Variants in TMEM74 observed in about 807,000 individuals in gnomAD.
The protein encoded by TMEM74 is transmembrane protein 74.
TMEM74 carries 13 observed loss-of-function variants against 18.1 expected under a neutral mutation model. The observed-to-expected ratio is 0.72, with a 90% CI of 0.47 to 1.14. The LOEUF (loss-of-function observed/expected upper bound fraction) is 1.14. TMEM74 is among the 50% of genes most tolerant of loss of function. TMEM74 has a pLI of 0.00. For missense variants in TMEM74, 372 were observed against 375.9 expected (o/e 0.99, Z 0.09); for synonymous variants, 159 against 146.6 (o/e 1.08, Z -0.61).
At chr8:108,750,718 T>C (rs908776506) in intron 1 of TMEM74, among the ~76,000 whole-genome samples, 1 of 152,118 alleles carries the variant, frequency 6.6e-6, no homozygotes, top group Admixed American at 6.5e-5. Flanking sequence ...TGCGTACAAC[T>C]GCCTGAACAC....
intron 2 of TMEM74, among the ~76,000 whole-genome samples, chr8:108,620,499 A>C (rs1222817585): frequency 6.6e-6 from 1 of 152,142 alleles, no homozygotes; most frequent in Non-Finnish European, 1.5e-5. Flanking sequence ...GCCTTTAACA[A>C]TTTTAGAAGG....
chr8:108,697,967 C>T (rs1813297002), intron 1 of TMEM74, among the ~76,000 whole-genome samples: 1 of 152,078 alleles, frequency 6.6e-6, no homozygotes, highest in African/African-American at 2.4e-5. Context: ...TACTGATCAC[C>T]CTTTACCCTG....
rs1419566522 is a variant in TMEM74, at chr8:108,756,646, G to GAA, written n.119+30828_119+30829dup. Among the ~76,000 whole-genome samples the GAA allele has an allele frequency of 1.1e-3, 58 of 53,048 alleles. 2 individuals carry two copies. Among genetic ancestry groups the GAA allele is most frequent in the Non-Finnish European group, 1.8e-4 (5 of 28,460 alleles). The allele number at this position is 53,048 out of a possible 152,430, so 34.8% of individuals were successfully genotyped here. ...AGGAAGGAAGGAAGGAAGGAAGAAAGAAAGAGAAAGAAAGAAAGAAAGAAA... is the reference window on the plus strand; with the variant it reads ...AGGAAGGAAGGAAGGAAGGAAGAAAGAAAAAGAGAAAGAAAGAAAGAAAGAAA... On this transcript the variant is annotated intron_variant and non_coding_transcript_variant, in intron 1 of 3. Coordinates refer to the TMEM74 transcript ENST00000518838.
chr8:108,642,472 G>A (rs1812675766), intron 2 of TMEM74, among the ~76,000 whole-genome samples: 1 of 151,664 alleles, frequency 6.6e-6, no homozygotes, highest in South Asian at 2.1e-4. Context: ...AATGGTCCTA[G>A]AAAACAATCG....
chr8:108,720,798 T>C (rs1378314902), intron 1 of TMEM74, among the ~76,000 whole-genome samples: 1 of 152,130 alleles, frequency 6.6e-6, no homozygotes, highest in African/African-American at 2.4e-5. Context: ...AGACGGAGTC[T>C]TGCTCTGTCG....
intron 1 of TMEM74, among the ~76,000 whole-genome samples, chr8:108,657,881 T>A (rs1331529741): frequency 0.026 from 2,547 of 98,280 alleles, 182 homozygotes; most frequent in African/African-American, 0.039. Flanking sequence ...TATATATATA[T>A]ATATATATAT....
chr8:108,766,083 G>A (rs1814103955), intron 1 of TMEM74, among the ~76,000 whole-genome samples: 1 of 152,094 alleles, frequency 6.6e-6, no homozygotes, highest in Admixed American at 6.6e-5. Context: ...AAATAGGTAT[G>A]GTTAAATGAC....
downstream of TMEM74, among the ~76,000 whole-genome samples, chr8:108,776,065 G>A (rs965153989): frequency 3.3e-5 from 5 of 152,306 alleles, no homozygotes; most frequent in South Asian, 1.0e-3. Context: ...TGGATAAATG[G>A]CAATGAAGAA....
chr8:108,787,438 T>G (rs1814407825), intron 1 of TMEM74, 38 bp downstream of exon 1: 1 of 152,444 alleles, frequency 6.6e-6, no homozygotes, highest in Non-Finnish European at 1.5e-5. Context: ...CACCCTTGCA[T>G]TCAAAGCCTC....
chr8:108,673,342 T>A (rs1813021774), intron 1 of TMEM74, among the ~76,000 whole-genome samples: 1 of 152,182 alleles, frequency 6.6e-6, no homozygotes, highest in Non-Finnish European at 1.5e-5. Context: ...GAAATACTAG[T>A]TTCGGACTTT....
chr8:108,694,250 T>C (rs1276244721), intron 1 of TMEM74, among the ~76,000 whole-genome samples: 3 of 152,186 alleles, frequency 2.0e-5, no homozygotes, highest in Non-Finnish European at 4.4e-5. Context: ...TTCCAAAAGG[T>C]GTAAGCAACC....
chr8:108,728,343 A>C (rs925532751), intron 1 of TMEM74, among the ~76,000 whole-genome samples: 1 of 152,180 alleles, frequency 6.6e-6, no homozygotes, highest in African/African-American at 2.4e-5. Context: ...GGCTATAGAC[A>C]TCAGCTTTAG....
chr8:108,742,968 A>C (rs1199266086), intron 1 of TMEM74, among the ~76,000 whole-genome samples: 1 of 152,220 alleles, frequency 6.6e-6, no homozygotes, highest in African/African-American at 2.4e-5. Context: ...GTAACTGAAA[A>C]CAACTTGAAG....
chr8:108,785,174 G>T, intron 1 of TMEM74, 37 bp from the exon 2 acceptor site: 1 of 1,466,428 alleles, frequency 6.8e-7, no homozygotes, highest in Non-Finnish European at 9.1e-7. Context: ...GAACCCAACA[G>T]AAGCTAAGGT....
intron 1 of TMEM74, among the ~76,000 whole-genome samples, chr8:108,692,168 T>A (rs1465812072): frequency 3.3e-5 from 5 of 152,134 alleles, no homozygotes; most frequent in African/African-American, 1.2e-4. Context: ...ATGTAAAGAG[T>A]TGCATGAAGT....
At chr8:108,629,126 G>A (rs1415830139) in intron 2 of TMEM74, among the ~76,000 whole-genome samples, 1 of 151,966 alleles carries the variant, frequency 6.6e-6, no homozygotes, top group South Asian at 2.1e-4. Context: ...AACCAGTTTA[G>A]AGGAGAACAT....
intron 2 of TMEM74, among the ~76,000 whole-genome samples, chr8:108,616,945 A>G (rs1174490029): frequency 6.6e-6 from 1 of 151,522 alleles, no homozygotes; most frequent in African/African-American, 2.4e-5. Flanking sequence ...TGACTATATT[A>G]TATATACTGA....
At chr8:108,754,700 C>T (rs1813939382) in intron 1 of TMEM74, among the ~76,000 whole-genome samples, 1 of 151,212 alleles carries the variant, frequency 6.6e-6, no homozygotes, top group East Asian at 2.0e-4. Context: ...GGTAGGTAGA[C>T]AGAGATTTAT....
At chr8:108,633,789 T>A (rs1328667249) in intron 2 of TMEM74, among the ~76,000 whole-genome samples, 1 of 152,034 alleles carries the variant, frequency 6.6e-6, no homozygotes, top group African/African-American at 2.4e-5. Context: ...CCTTGCCTTG[T>A]TTCAGTGGTG....
Sources: gnomAD v4.1 joint callset for allele counts (sites outside exome capture counted in the v4.1 genomes callset) on GRCh38, gnomAD v4.1.1 for gene constraint, MANE v1.5 for transcripts, NCBI Gene and HGNC (gene_info 2026-07-23, HGNC 2026-07-21) for gene names.